Variants in ASTN2 observed in about 807,000 individuals in gnomAD.
ASTN2 encodes the protein astrotactin-2.
A neutral mutation model predicts 139.8 loss-of-function variants in ASTN2; 54 were observed. The ratio of observed to expected loss-of-function variants is 0.39; its 90% CI spans 0.31 to 0.48. ASTN2 has a LOEUF of 0.48. ASTN2 is among the 20% of genes least tolerant of loss of function. The probability of loss-of-function intolerance (pLI) is 0.95; values close to 1 mark genes in which losing one functional copy is unlikely to be tolerated. For missense variants in ASTN2, 1,565 were observed against 1,725.1 expected (o/e 0.91, Z 1.64); for synonymous variants, 756 against 719.5 (o/e 1.05, Z -0.81).
At chr9:116,711,616 T>A (rs1828165767) in intron 16 of ASTN2, among the ~76,000 whole-genome samples, 1 of 152,132 alleles carries the variant, frequency 6.6e-6, no homozygotes, top group African/African-American at 2.4e-5. Context: ...TATTCAAAAC[T>A]GAACTTGGCT....
chr9:116,505,030 G>A (rs1400163105), intron 19 of ASTN2, among the ~76,000 whole-genome samples: 3 of 151,824 alleles, frequency 2.0e-5, no homozygotes, highest in Non-Finnish European at 2.9e-5. Flanking sequence ...GTTAAATTGC[G>A]CAACTGAGAT....
At chr9:117,323,890 G>C (rs1828423668) in intron 1 of ASTN2, among the ~76,000 whole-genome samples, 1 of 152,150 alleles carries the variant, frequency 6.6e-6, no homozygotes, top group South Asian at 2.1e-4. Flanking sequence ...CTACATCTGT[G>C]TAACTCACTT....
intron 16 of ASTN2, among the ~76,000 whole-genome samples, chr9:116,671,840 A>C (rs933031866): frequency 2.6e-5 from 4 of 152,172 alleles, no homozygotes; most frequent in African/African-American, 9.7e-5. Flanking sequence ...TCATCTTGAA[A>C]ATGGCTACTT....
intron 17 of ASTN2, among the ~76,000 whole-genome samples, chr9:116,646,237 T>G (rs1469128540): frequency 6.6e-6 from 1 of 152,194 alleles, no homozygotes; most frequent in Non-Finnish European, 1.5e-5. Context: ...CACTTATCTG[T>G]TTTTTAATTT....
intron 19 of ASTN2, among the ~76,000 whole-genome samples, chr9:116,574,131 T>C (rs1177728888): frequency 6.6e-6 from 1 of 152,160 alleles, no homozygotes; most frequent in Non-Finnish European, 1.5e-5. Context: ...AAGTAGCTGG[T>C]AGTAAATATT....
In ASTN2 at chr9:116,618,468, G is replaced by A. The variant is rs374593775; in HGVS notation, c.3211C>T (p.Arg1071Trp). 7.8e-5 allele frequency: 126 copies of A among 1,609,646 alleles called. No individual in the cohort carries two copies. Among genetic ancestry groups the A allele is most frequent in the African/African-American group, 1.1e-4 (8 of 74,684 alleles). The change falls in exon 19 of 23, where the codon CGG (arginine) becomes TGG (tryptophan). Residue 1071 changes from arginine (R) to tryptophan (W), a missense_variant. Arg to Trp is a moderately radical substitution (Grantham distance 101). Around this residue, in one of 4 missense-constraint regions of ASTN2, gnomAD observed 418 missense variants for 465.8 expected, o/e 0.90. Transcript: ENST00000313400. ...GAGGGCTCCACTGTTGGGGACAGCC[G>A]CAGCCTACAGGGAATAAAAAGGAAG... The part of the protein sequence containing the change: ...NCSPLLQPVL[R>W]LSPTVEPSST...
intron 5 of ASTN2, among the ~76,000 whole-genome samples, chr9:117,061,131 C>T (rs189830669): frequency 1.4e-5 from 2 of 142,306 alleles, no homozygotes; most frequent in East Asian, 2.1e-4. Context: ...ACAAACTATA[C>T]ACCAGTCTTT....
In ASTN2 at chr9:116,491,311, G is replaced by A. The variant is rs114469323; in HGVS notation, c.3356-3811C>T. 4.8e-3 allele frequency among the ~76,000 whole-genome samples: 738 copies of A among 152,258 alleles called. 5 individuals carry two copies. The highest frequency in any genetic ancestry group is 0.017 in the African/African-American group (717 of 41,536). On this transcript the variant is annotated intron_variant, in intron 19 of 22. Coordinates refer to ENST00000313400, the MANE Select transcript of ASTN2 (RefSeq NM_001365068.1). ...TAGATTTTATCTTCCCCATGGTAAA[G>A]CTGAGGTTAATGTTGCAGTTAAAAA...
intron 16 of ASTN2, among the ~76,000 whole-genome samples, chr9:116,718,974 A>ATATATATATATATATATATATATAT (rs1564230166): frequency 1.1e-5 from 1 of 88,108 alleles, no homozygotes; most frequent in Admixed American, 1.1e-4. Flanking sequence ...CTGTATCTGT[A>ATATATATATATATATATATATATAT]CATATATATA....
intron 1 of ASTN2, among the ~76,000 whole-genome samples, chr9:117,380,671 T>C (rs1587997250): frequency 6.7e-6 from 1 of 150,016 alleles, no homozygotes; most frequent in African/African-American, 2.5e-5. Context: ...TTGACTGAAG[T>C]GATATATGAT....
chr9:116,703,660 G>T (rs897354976), intron 16 of ASTN2, among the ~76,000 whole-genome samples: 6 of 151,418 alleles, frequency 4.0e-5, no homozygotes, highest in African/African-American at 1.2e-4. Flanking sequence ...GCACCAGCAT[G>T]GCACATGTAT....
At chr9:116,465,382 T>C (rs1588084585) in intron 20 of ASTN2, among the ~76,000 whole-genome samples, 1 of 152,126 alleles carries the variant, frequency 6.6e-6, no homozygotes, top group African/African-American at 2.4e-5. Flanking sequence ...CTGGGTACGG[T>C]TGGGGCATCC....
At chr9:117,293,875 C>G (rs559255269) in intron 1 of ASTN2, among the ~76,000 whole-genome samples, 31 of 152,354 alleles carry the variant, frequency 2.0e-4, no homozygotes, top group Admixed American at 3.9e-4. Flanking sequence ...TCAGTAGTTC[C>G]ATGTGCTGCT....
chr9:116,486,931 G>C (rs1201447562), intron 20 of ASTN2, among the ~76,000 whole-genome samples: 1 of 152,086 alleles, frequency 6.6e-6, no homozygotes, highest in Admixed American at 6.5e-5. Flanking sequence ...ATATATCTCA[G>C]TATGCGTATT....
chr9:116,566,174 G>A (rs59953018), intron 19 of ASTN2, among the ~76,000 whole-genome samples: 3,584 of 152,230 alleles, frequency 0.024, 131 homozygotes, highest in African/African-American at 0.082. Context: ...CTCCTCCAGG[G>A]TCATTTCTCA....
chr9:117,251,026 C>A (rs954266300), intron 2 of ASTN2, among the ~76,000 whole-genome samples: 1 of 152,100 alleles, frequency 6.6e-6, no homozygotes, highest in African/African-American at 2.4e-5. Context: ...ACAGGTGAGG[C>A]TGAATCAAGA....
At chr9:116,812,227 C>G (rs1207738110) in intron 12 of ASTN2, among the ~76,000 whole-genome samples, 4 of 152,148 alleles carry the variant, frequency 2.6e-5, no homozygotes, top group African/African-American at 9.7e-5. Flanking sequence ...TGCCCACATC[C>G]TAATCCCGAA....
chr9:117,022,878 T>A (rs903233560), intron 6 of ASTN2, among the ~76,000 whole-genome samples: 2 of 152,036 alleles, frequency 1.3e-5, no homozygotes, highest in Non-Finnish European at 2.9e-5. Context: ...CAGAGGCAGG[T>A]CTGAGAAGAC....
At chr9:117,192,048 G>A (rs7864515) in intron 3 of ASTN2, among the ~76,000 whole-genome samples, 91,016 of 151,888 alleles carry the variant, frequency 0.6, 27,543 homozygotes, top group Middle Eastern at 0.69. Context: ...TCTAGTGACA[G>A]CTTTGGTGAC....
Sources: gnomAD v4.1 joint callset for allele counts (sites outside exome capture counted in the v4.1 genomes callset) on GRCh38, gnomAD v4.1.1 for gene constraint, gnomAD v4.1.1 regional missense constraint, MANE v1.5 for transcripts, NCBI Gene and HGNC (gene_info 2026-07-23, HGNC 2026-07-21) for gene names.